Variants in ABCC9 observed in about 807,000 individuals in gnomAD.
The protein encoded by ABCC9 is ATP binding cassette subfamily C member 9.
ABCC9 carries 95 observed loss-of-function variants against 188.3 expected under a neutral mutation model. That is an observed-to-expected ratio of 0.50 (90% CI 0.43 to 0.60). ABCC9 has a LOEUF of 0.60. Ranked by LOEUF, ABCC9 falls within the 20% of genes least tolerant of loss-of-function variation. The pLI, the probability that ABCC9 is intolerant of heterozygous loss-of-function variation, is 0.00. For missense variants in ABCC9, 1,102 were observed against 1,876.3 expected (o/e 0.59, Z 7.62); for synonymous variants, 659 against 652.7 (o/e 1.01, Z -0.15).
intron 12 of ABCC9, among the ~76,000 whole-genome samples, chr12:21,905,331 T>A (rs374654057): frequency 1.1e-4 from 17 of 151,778 alleles, no homozygotes; most frequent in African/African-American, 3.9e-4. Flanking sequence ...AGTTAATGGG[T>A]GCAGCACACC....
At chr12:21,901,584 G>T (rs1048690133) in intron 12 of ABCC9, among the ~76,000 whole-genome samples, 6 of 152,076 alleles carry the variant, frequency 3.9e-5, no homozygotes, top group African/African-American at 1.4e-4. Context: ...GACACACATA[G>T]GCTCAAAATA....
At position 21,800,688 on chromosome 12, in the gene ABCC9, A is replaced by G. The variant is rs529983576; in HGVS notation, c.*356T>C. On this transcript the variant is annotated 3_prime_UTR_variant, in exon 40 of 40. Coordinates refer to ENST00000261200, the MANE Select transcript of ABCC9 (RefSeq NM_020297.4). Reference sequence around the variant, plus strand: ...AAAATATATTCTTACAAACAAGAGTATAGTAATACTGACTACTCATTGACA... The same window carrying G: ...AAAATATATTCTTACAAACAAGAGTGTAGTAATACTGACTACTCATTGACA... 1 of 278,670 alleles carries G rather than the reference A, an allele frequency of 3.6e-6. No individual in the cohort carries two copies. Among genetic ancestry groups the G allele is most frequent in the African/African-American group, 2.2e-5 (1 of 45,170 alleles). The allele number at this position is 278,670 out of a possible 1,614,324, so 17.3% of individuals were successfully genotyped here. A position where few individuals can be genotyped will look rare whatever the true frequency, so the allele number is the denominator to read the frequency against.
chr12:21,873,933 T>C (rs1015773889), intron 17 of ABCC9, among the ~76,000 whole-genome samples: 10 of 152,040 alleles, frequency 6.6e-5, no homozygotes, highest in African/African-American at 1.4e-4. Context: ...AAGAACTTCT[T>C]GGCATTGAAC....
At chr12:21,814,303 A>G (rs1488479203) in intron 35 of ABCC9, among the ~76,000 whole-genome samples, 1 of 152,202 alleles carries the variant, frequency 6.6e-6, no homozygotes, top group Non-Finnish European at 1.5e-5. Flanking sequence ...CATTTAGTCT[A>G]AAGGAAGCAA....
intron 26 of ABCC9, 144 bp from the exon 27 acceptor site, chr12:21,845,059 G>C: frequency 1.0e-6 from 1 of 996,220 alleles, no homozygotes; most frequent in Non-Finnish European, 1.5e-6. Flanking sequence ...GCAATTTTTT[G>C]AGGCCCAGGG....
chr12:21,852,657 G>T, intron 22 of ABCC9, 152 bp from the exon 23 acceptor site: 1 of 908,268 alleles, frequency 1.1e-6, no homozygotes, highest in Non-Finnish European at 1.7e-6. Context: ...CTACCTGTCA[G>T]GTACCATGAT....
In ABCC9 at chr12:21,910,819, T is replaced by C; in HGVS notation, c.1164+7A>G. The stretch of plus-strand genomic sequence containing the variant: ...GGAAACAAATAGTATTCACAGCCTT[T>C]ACATACCAGCAGAGCTCCACGGAGG... On this transcript the variant is annotated splice_region_variant and intron_variant, in intron 9 of 39. Transcript: ENST00000261200. 1 of 1,608,254 alleles carries C rather than the reference T, an allele frequency of 6.2e-7. No individual in the cohort carries two copies. The highest frequency in any genetic ancestry group is 8.5e-7 in the Non-Finnish European group (1 of 1,174,996).
intron 18 of ABCC9, chr12:21,869,533 C>T (rs560167212): frequency 6.6e-6 from 1 of 152,282 alleles, no homozygotes; most frequent in East Asian, 1.9e-4. Context: ...GAACTTAGAA[C>T]AAAATCTTAA....
At chr12:21,857,444 A>G (rs778701994) in intron 22 of ABCC9, among the ~76,000 whole-genome samples, 1 of 152,162 alleles carries the variant, frequency 6.6e-6, no homozygotes, top group Non-Finnish European at 1.5e-5. Flanking sequence ...CAATACCATA[A>G]TAACTTTCCA....
At chr12:21,904,071 C>T (rs1336822678) in intron 12 of ABCC9, among the ~76,000 whole-genome samples, 4 of 152,052 alleles carry the variant, frequency 2.6e-5, no homozygotes, top group Non-Finnish European at 5.9e-5. Flanking sequence ...GTACTGGTAC[C>T]AAAACAGAGA....
intron 9 of ABCC9, among the ~76,000 whole-genome samples, 183 bp from the exon 10 acceptor site, chr12:21,910,495 A>G (rs1043772461): frequency 6.6e-6 from 1 of 151,968 alleles, no homozygotes; most frequent in African/African-American, 2.4e-5. Flanking sequence ...AGTTATTTTC[A>G]GTCCTTAACC....
intron 16 of ABCC9, among the ~76,000 whole-genome samples, chr12:21,876,559 G>A (rs1046571775): frequency 2.6e-5 from 4 of 152,108 alleles, no homozygotes; most frequent in African/African-American, 9.7e-5. Context: ...CAATAATCAG[G>A]AAAAATCACA....
intron 18 of ABCC9, among the ~76,000 whole-genome samples, chr12:21,872,357 C>T (rs1319644244): frequency 2.0e-5 from 3 of 152,142 alleles, no homozygotes; most frequent in Non-Finnish European, 2.9e-5. Flanking sequence ...ACCCATTTAA[C>T]TTTAAAAACC....
intron 39 of ABCC9, among the ~76,000 whole-genome samples, chr12:21,802,923 G>A (rs1941561343): frequency 6.6e-6 from 1 of 151,994 alleles, no homozygotes; most frequent in South Asian, 2.1e-4. Context: ...TGACGTGAGG[G>A]GAAAAGAAAC....
intron 15 of ABCC9, 43 bp downstream of exon 15, chr12:21,887,783 T>C: frequency 1.7e-6 from 2 of 1,202,686 alleles, no homozygotes; most frequent in Non-Finnish European, 2.5e-6. Context: ...CTGCTGAGAC[T>C]GTCCTCTATT....
intron 28 of ABCC9, 51 bp downstream of exon 28, chr12:21,844,432 G>T: frequency 7.1e-7 from 1 of 1,401,222 alleles, no homozygotes; most frequent in Non-Finnish European, 1.0e-6. Context: ...ATGCTATTTA[G>T]CTTACATTGT....
chr12:21,804,329 A>G (rs1231464380), intron 39 of ABCC9, among the ~76,000 whole-genome samples: 1 of 152,212 alleles, frequency 6.6e-6, no homozygotes, highest in African/African-American at 2.4e-5. Context: ...AAATAGAACC[A>G]TCCAACAACG....
chr12:21,880,148 G>A (rs1454677197), intron 16 of ABCC9, among the ~76,000 whole-genome samples: 1 of 151,146 alleles, frequency 6.6e-6, no homozygotes, highest in African/African-American at 2.4e-5. Flanking sequence ...ACTACTAAAT[G>A]TACTACTGCT....
intron 12 of ABCC9, among the ~76,000 whole-genome samples, chr12:21,902,108 C>T (rs972789403): frequency 6.6e-6 from 1 of 152,222 alleles, no homozygotes; most frequent in Admixed American, 6.5e-5. Context: ...TCTCAGACCA[C>T]AGTGCAATCA....
Sources: gnomAD v4.1 joint callset for allele counts (sites outside exome capture counted in the v4.1 genomes callset) on GRCh38, gnomAD v4.1.1 for gene constraint, MANE v1.5 for transcripts, NCBI Gene and HGNC (gene_info 2026-07-23, HGNC 2026-07-21) for gene names.